Variants in C10orf120 observed in about 807,000 individuals in gnomAD.
C10orf120 encodes the protein chromosome 10 open reading frame 120.
Under a neutral mutation model 10.8 loss-of-function variants are expected in C10orf120, and 15 were observed. That is an observed-to-expected ratio of 1.39 (90% CI 0.93 to 2.14). The LOEUF (loss-of-function observed/expected upper bound fraction) is 2.14. Among genes scored for constraint, C10orf120 ranks in the 30% most tolerant of loss-of-function variants. The pLI is 0.00. For synonymous variants in C10orf120, 141 were observed against 138.9 expected (o/e 1.02, Z -0.11); for missense variants, 447 against 411.3 (o/e 1.09, Z -0.75).
In C10orf120 at chr10:122,698,286, T is replaced by C. The variant is rs1170325339; in HGVS notation, c.455A>G (p.Glu152Gly). Residue 152 changes from glutamate (E) to glycine (G), a missense_variant, in exon 3 of 3, where the codon GAG becomes GGG. Glu to Gly is a moderately conservative substitution (Grantham distance 98). Coordinates refer to ENST00000329446, the MANE Select transcript of C10orf120 (RefSeq NM_001010912.4). ...IWTAKVIAPL[E>G]AFKMPQREQV... ...CTCTCGTTGTGGCATTTTAAATGCC[T>C]CCAGGGGCGCAATCACCTTTGCTGT... 1 of 1,614,042 alleles carries C rather than the reference T, an allele frequency of 6.2e-7. No homozygotes were observed. The highest frequency in any genetic ancestry group is 2.2e-5 in the East Asian group (1 of 44,894).
In C10orf120 at chr10:122,698,095, C is replaced by T. The variant is rs147054734; in HGVS notation, c.646G>A (p.Asp216Asn). The T allele has an allele frequency of 3.1e-6, 5 of 1,613,850 alleles. No homozygotes were observed. In the African/African-American group the frequency reaches 4.0e-5, roughly 13 times the overall value. The change falls in exon 3 of 3, where the codon GAC (aspartate) becomes AAC (asparagine). Residue 216 changes from aspartate to asparagine, a missense_variant. Coordinates refer to ENST00000329446, the MANE Select transcript of C10orf120 (RefSeq NM_001010912.4). The part of the protein sequence containing the change: ...NKARRKEDNY[D>N]THNCDDANQD... Reference sequence around the variant, plus strand: ...TTGGCATCATCACAATTATGGGTGTCATAGTTGTCTTCCTTTCGTCTGGCC... The same window carrying T: ...TTGGCATCATCACAATTATGGGTGTTATAGTTGTCTTCCTTTCGTCTGGCC...
intron 2 of C10orf120, among the ~76,000 whole-genome samples, 183 bp downstream of exon 2, chr10:122,699,140 CAAAAAAAAAAAAAA>C (rs67633673): frequency 1.8e-4 from 4 of 21,842 alleles, no homozygotes; most frequent in Admixed American, 1.8e-3. Context: ...GACTCCGTCT[CAAAAAAAAAAAAAA>C]AAAAAAAAAA....
Position 122,699,813 on chromosome 10 carries a change from G to T in C10orf120, c.-23C>A. On this transcript the variant is annotated 5_prime_UTR_variant, in exon 1 of 3. Coordinates refer to ENST00000329446, the MANE Select transcript of C10orf120 (RefSeq NM_001010912.4). ...CATACTCCGGCAATAAGCTAGGACG[G>T]GAGGTGTTCACACCTGGAGTTTGTT... 6.3e-7 allele frequency: 1 copy of T among 1,597,114 alleles called. No individual in the cohort carries two copies.
rs764071487 is a variant in C10orf120 at position 122,698,441 on chromosome 10, G to A, written c.300C>T (p.Tyr100=). Residue 100 remains tyrosine, a synonymous_variant, in exon 3 of 3, where the codon TAC becomes TAT. Transcript: ENST00000329446. ...HTIAARRLLA[Y]KQEEECRMLK... ...GCATTCTGCATTCTTCCTCTTGCTT[G>A]TAAGCCAAAAGCCTTCTTGCTGCTA... 6.2e-7 allele frequency: 1 copy of A among 1,614,144 alleles called. No homozygotes were observed. The highest frequency in any genetic ancestry group is 2.2e-5 in the East Asian group (1 of 44,884).
At position 122,698,464 on chromosome 10, in the gene C10orf120, C is replaced by T; in HGVS notation, c.277G>A (p.Ala93Thr). The T allele has an allele frequency of 1.2e-6, 2 of 1,614,172 alleles. No individual in the cohort carries two copies. Among genetic ancestry groups the T allele is most frequent in the Non-Finnish European group, 8.5e-7 (1 of 1,180,036 alleles). ...TTGTAAGCCAAAAGCCTTCTTGCTG[C>T]TATGGTGTGAATGCCACCTAGACGC... Reference protein sequence around the residue: ...ILRLGGIHTIAARRLLAYKQE... With the variant: ...ILRLGGIHTITARRLLAYKQE... The change falls in exon 3 of 3, where the codon GCA (alanine) becomes ACA (threonine). Residue 93 changes from alanine to threonine, a missense_variant. Coordinates refer to ENST00000329446, the MANE Select transcript of C10orf120 (RefSeq NM_001010912.4).
In C10orf120 at chr10:122,698,098, A is replaced by C. The variant is rs780178793; in HGVS notation, c.643T>G (p.Tyr215Asp). ...KNKARRKEDN[Y>D]DTHNCDDANQ... is the part of the protein sequence containing the mutation. ...GCATCATCACAATTATGGGTGTCATAGTTGTCTTCCTTTCGTCTGGCCTTA... is the reference window on the plus strand; with the variant it reads ...GCATCATCACAATTATGGGTGTCATCGTTGTCTTCCTTTCGTCTGGCCTTA... The change falls in exon 3 of 3, where the codon TAT becomes GAT. Residue 215 changes from tyrosine (Y) to aspartate (D), a missense_variant. Coordinates refer to ENST00000329446, the MANE Select transcript of C10orf120 (RefSeq NM_001010912.4). 1 of 1,613,788 alleles carries C rather than the reference A, an allele frequency of 6.2e-7. No homozygotes were observed. Among genetic ancestry groups the C allele is most frequent in the South Asian group, 1.1e-5 (1 of 90,966 alleles).
intron 2 of C10orf120, 117 bp downstream of exon 2, chr10:122,699,220 G>C (rs551885964): frequency 1.7e-6 from 1 of 577,224 alleles, no homozygotes; most frequent in East Asian, 3.2e-5. Flanking sequence ...CAGCCAATGG[G>C]AGTCTACTGT....
intron 1 of C10orf120, 61 bp from the exon 2 acceptor site, chr10:122,699,473 T>G: frequency 6.7e-7 from 1 of 1,503,404 alleles, no homozygotes; most frequent in Non-Finnish European, 9.2e-7. Flanking sequence ...TTTTCCCTCC[T>G]GGAGTGGGAA....
chr10:122,698,553 T>C, intron 2 of C10orf120, 65 bp from the exon 3 acceptor site: 1 of 1,477,956 alleles, frequency 6.8e-7, no homozygotes, highest in East Asian at 2.3e-5. Flanking sequence ...CCACAGAAAC[T>C]TGCTAGTGGC....
intron 2 of C10orf120, 82 bp from the exon 3 acceptor site, chr10:122,698,570 TCC>T: frequency 7.7e-7 from 1 of 1,306,246 alleles, no homozygotes; most frequent in Non-Finnish European, 1.1e-6. Flanking sequence ...TGGCTGGTTC[TCC>T]CTCCATTGTG....
rs1374274270 is a variant in C10orf120, at chr10:122,697,893, T to A, written c.848A>T (p.Asn283Ile). The change falls in exon 3 of 3, where the codon AAT becomes ATT. Residue 283 changes from asparagine (N) to isoleucine (I), a missense_variant. Transcript: ENST00000329446. ...ERSIAGLTNR[N>I]LFCISEFPGD... ...AGGGAATTCTGATATGCAGAAAAGA[T>A]TTCGGTTTGTTAGGCCTGCGATGGA... is the stretch of plus-strand genomic sequence containing the variant. 1 of 1,614,162 alleles carries A rather than the reference T, an allele frequency of 6.2e-7. No homozygotes were observed. Among genetic ancestry groups the A allele is most frequent in the Non-Finnish European group, 8.5e-7 (1 of 1,180,032 alleles).
In C10orf120 at chr10:122,698,316, A is replaced by AT. The variant is rs765763482; in HGVS notation, c.424dup (p.Ile142AsnfsTer14). The AT allele has an allele frequency of 6.2e-7, 1 of 1,613,960 alleles. No individual in the cohort carries two copies. Among genetic ancestry groups the AT allele is most frequent in the South Asian group, 1.1e-5 (1 of 91,070 alleles). On this transcript the variant is annotated frameshift_variant, in exon 3 of 3. Coordinates refer to ENST00000329446, the MANE Select transcript of C10orf120 (RefSeq NM_001010912.4). LOFTEE classifies it low-confidence loss of function (END_TRUNC). Reference sequence around the variant, plus strand: ...GGGCGCAATCACCTTTGCTGTCCATATTTTTTCTAGGGGTACACAAATAGC... The same window carrying AT: ...GGGCGCAATCACCTTTGCTGTCCATATTTTTTTCTAGGGGTACACAAATAGC...
In C10orf120 at chr10:122,699,386, T is replaced by A. The variant is rs764553519; in HGVS notation, c.203A>T (p.Asp68Val). The change falls in exon 2 of 3, where the codon GAC becomes GTC. Residue 68 changes from aspartate to valine, a missense_variant. By Grantham distance (152) the Asp-to-Val change is radical. Transcript: ENST00000329446. Reference protein sequence around the residue: ...LRIWSKFYRSDPRIALGKYSP... With the variant: ...LRIWSKFYRSVPRIALGKYSP... ...GTATTTCCCAAGGGCAATCCGTGGGTCTGATCTGTAGAATTTGCTCCATAT... is the reference window on the plus strand; with the variant it reads ...GTATTTCCCAAGGGCAATCCGTGGGACTGATCTGTAGAATTTGCTCCATAT... The A allele has an allele frequency of 6.2e-7, 1 of 1,613,146 alleles. No individual in the cohort carries two copies. Among genetic ancestry groups the A allele is most frequent in the Non-Finnish European group, 8.5e-7 (1 of 1,179,324 alleles).
intron 1 of C10orf120, 76 bp from the exon 2 acceptor site, chr10:122,699,488 C>T (rs1845831295): frequency 6.8e-7 from 1 of 1,467,238 alleles, no homozygotes; most frequent in Non-Finnish European, 9.5e-7. Context: ...TGGGAAGGCT[C>T]ATAAAGGGTT....
chr10:122,698,432 C>T lies in C10orf120; in HGVS notation c.309G>A (p.Glu103=). 6.2e-7 allele frequency: 1 copy of T among 1,614,186 alleles called. No homozygotes were observed. The highest frequency in any genetic ancestry group is 8.5e-7 in the Non-Finnish European group (1 of 1,180,026). The part of the protein sequence containing the change: ...AARRLLAYKQ[E]EECRMLKELQ... ...GTTCCTTGAGCATTCTGCATTCTTC[C>T]TCTTGCTTGTAAGCCAAAAGCCTTC... The change falls in exon 3 of 3, where the codon GAG becomes GAA. Residue 103 remains glutamate, a synonymous_variant. Transcript: ENST00000329446.
intron 2 of C10orf120, among the ~76,000 whole-genome samples, chr10:122,699,051 G>A (rs950221749): frequency 2.1e-5 from 3 of 144,860 alleles, no homozygotes; most frequent in South Asian, 2.3e-4. Flanking sequence ...GGAGAATGGC[G>A]TGAACCCGGG....
At position 122,698,234 on chromosome 10, in the gene C10orf120, C is replaced by T. The variant is rs374030682; in HGVS notation, c.507G>A (p.Glu169=). 26 of 1,614,032 alleles carry T rather than the reference C, an allele frequency of 1.6e-5. No homozygotes were observed. Among genetic ancestry groups the T allele is most frequent in the Non-Finnish European group, 2.1e-5 (25 of 1,180,044 alleles). ...REQVNVSKHI[E]RMRLARALGN... ...CCAGAGCCCGAGCAAGCCTCATCCTCTCTATGTGCTTACTGACGTTCACCT... is the reference window on the plus strand; with the variant it reads ...CCAGAGCCCGAGCAAGCCTCATCCTTTCTATGTGCTTACTGACGTTCACCT... Residue 169 remains glutamate (E), a synonymous_variant, in exon 3 of 3, where the codon GAG becomes GAA. Coordinates refer to ENST00000329446, the MANE Select transcript of C10orf120 (RefSeq NM_001010912.4).
rs138385495 is a variant in C10orf120 at position 122,699,654 on chromosome 10, G to A, written c.137C>T (p.Thr46Met). The A allele has an allele frequency of 6.2e-6, 10 of 1,613,526 alleles. 1 individual carries two copies. The African/African-American group carries it at 9.3e-5, about 15-fold the overall frequency. Residue 46 changes from threonine (T) to methionine (M), a missense_variant, in exon 1 of 3, where the codon ACG (threonine) becomes ATG (methionine). Physicochemically the swap from Thr to Met is moderately conservative, Grantham distance 81. Coordinates refer to ENST00000329446, the MANE Select transcript of C10orf120 (RefSeq NM_001010912.4). ...TNSSFQDQAPTCCQEDLSSAS... is the reference protein window; with the variant it reads ...TNSSFQDQAPMCCQEDLSSAS... ...AGAACTCAGATCCTCTTGGCAACAC[G>A]TTGGGGCTTGATCCTGAAAGGAAGA...
chr10:122,698,589 G>C, intron 2 of C10orf120, 101 bp from the exon 3 acceptor site: 1 of 1,104,984 alleles, frequency 9.0e-7, no homozygotes, highest in South Asian at 1.4e-5. Context: ...TGTGGAAAGT[G>C]TTTGAGCCTC....
Sources: gnomAD v4.1 joint callset for allele counts (sites outside exome capture counted in the v4.1 genomes callset) on GRCh38, gnomAD v4.1.1 for gene constraint, MANE v1.5 for transcripts, NCBI Gene and HGNC (gene_info 2026-07-23, HGNC 2026-07-21) for gene names.